The following VAV1 variants were observed in gnomAD, a reference collection of about 807,000 sequenced individuals.
VAV1 encodes proto-oncogene vav.
A neutral mutation model predicts 128.1 loss-of-function variants in VAV1; 33 were observed. That is an observed-to-expected ratio of 0.26 (90% CI 0.20 to 0.34). The LOEUF is 0.34. Among genes scored for constraint, VAV1 ranks in the 10% least tolerant of loss-of-function variants. The probability of loss-of-function intolerance (pLI) is 1.00; values close to 1 mark genes in which losing one functional copy is unlikely to be tolerated. For synonymous variants in VAV1, 394 were observed against 409.8 expected, an observed-to-expected ratio of 0.96 and a Z score of 0.47; for missense variants, 715 against 1,093.7, an observed-to-expected ratio of 0.65 and a Z score of 4.88.
At chr19:6,801,973 C>T (rs968378305) in intron 1 of VAV1, among the ~76,000 whole-genome samples, 1 of 152,160 alleles carries the variant, frequency 6.6e-6, no homozygotes, top group Non-Finnish European at 1.5e-5. Flanking sequence ...CCGCCTCTTC[C>T]TGGAGGAAGG....
At chr19:6,787,816 C>T (rs188832643) in intron 1 of VAV1, among the ~76,000 whole-genome samples, 18 of 152,086 alleles carry the variant, frequency 1.2e-4, no homozygotes, top group Non-Finnish European at 1.9e-4. Context: ...GTGGCTCACA[C>T]CTGTAATCCC....
intron 23 of VAV1, among the ~76,000 whole-genome samples, chr19:6,849,525 C>A (rs958730672): frequency 9.3e-5 from 14 of 151,200 alleles, no homozygotes; most frequent in Non-Finnish European, 1.6e-4. Context: ...GTTGGCCAGG[C>A]TGGTCTCGAA....
intron 1 of VAV1, chr19:6,784,314 T>C (rs1391496787): frequency 6.3e-6 from 3 of 479,752 alleles, no homozygotes; most frequent in East Asian, 6.4e-5. Flanking sequence ...AAGAAGGACC[T>C]GAGCCAAGGC....
At chr19:6,794,091 C>T (rs4807099) in intron 1 of VAV1, among the ~76,000 whole-genome samples, 1,930 of 96,850 alleles carry the variant, frequency 0.02, 141 homozygotes, top group Middle Eastern at 0.036. Context: ...TACCAATAAA[C>T]CAACGGTAAA....
chr19:6,835,186 AAT>A (rs1165248601), intron 19 of VAV1, among the ~76,000 whole-genome samples: 2 of 145,932 alleles, frequency 1.4e-5, no homozygotes, highest in African/African-American at 2.6e-5. Context: ...TGTACAATAG[AAT>A]ATATATATGT....
At chr19:6,857,000 G>A in intron 26 of VAV1, 54 bp from the exon 27 acceptor site, 1 of 1,548,862 alleles carries the variant, frequency 6.5e-7, no homozygotes. Context: ...TGTGTGGAGG[G>A]GCAGTAGGAG....
intron 22 of VAV1, among the ~76,000 whole-genome samples, chr19:6,843,608 C>G (rs1441853022): frequency 2.0e-5 from 3 of 152,116 alleles, no homozygotes; most frequent in African/African-American, 7.2e-5. Flanking sequence ...GCTGTATGAC[C>G]TTGGGCCGGT....
Position 6,773,024 on chromosome 19 carries a change from C to T in VAV1, c.204+13C>T, listed in dbSNP as rs374457632. On this transcript the variant is annotated intron_variant, in intron 1 of 26. Transcript: ENST00000602142. ...CCAGATGTCCCAGGTGAGCCCTCCG[C>T]GGGCAGGTGTGCTGAGGGTTGGAGA... 9.3e-6 allele frequency: 15 copies of T among 1,613,854 alleles called. No individual in the cohort carries two copies. The highest frequency in any genetic ancestry group is 1.7e-5 in the Admixed American group (1 of 59,978).
At chr19:6,773,126 A>G in intron 1 of VAV1, 115 bp downstream of exon 1, 1 of 1,382,426 alleles carries the variant, frequency 7.2e-7, no homozygotes, top group Non-Finnish European at 1.0e-6. Flanking sequence ...GAGAGGGAAT[A>G]TGCTTACAGG....
chr19:6,850,481 C>T (rs907182683), intron 23 of VAV1, among the ~76,000 whole-genome samples, 189 bp from the exon 24 acceptor site: 8 of 151,340 alleles, frequency 5.3e-5, no homozygotes, highest in Non-Finnish European at 5.9e-5. Context: ...TCCTCTTCTA[C>T]GAGAGGAAGA....
intron 1 of VAV1, among the ~76,000 whole-genome samples, chr19:6,773,316 G>A (rs61505502): frequency 0.26 from 39,738 of 151,940 alleles, 6,151 homozygotes; most frequent in African/African-American, 0.44. Flanking sequence ...CATGCCCCCA[G>A]ATGGGACCAA....
rs1971821260 is a variant in VAV1 at position 6,822,593 on chromosome 19, G to T, written c.654+79G>T. On this transcript the variant is annotated intron_variant, in intron 6 of 26. Coordinates refer to ENST00000602142, the MANE Select transcript of VAV1 (RefSeq NM_005428.4). The surrounding 1 kb of genome is among the most constrained non-coding windows in gnomAD (Gnocchi z 5.9). ...CAGGTGCACGTCCACCTGTCCGGCC[G>T]CTCTGGGCAGCTGAGGATTTCCTGC... is the stretch of plus-strand genomic sequence containing the variant. 14 of 1,261,978 alleles carry T rather than the reference G, an allele frequency of 1.1e-5. No homozygotes were observed. In the South Asian group the frequency reaches 1.3e-4, roughly 12 times the overall value. The allele number at this position is 1,261,978 out of a possible 1,614,324, so 78.2% of individuals were successfully genotyped here. A position where few individuals can be genotyped will look rare whatever the true frequency, so the allele number is the denominator to read the frequency against.
chr19:6,814,637 C>CCT (rs1971581742), intron 1 of VAV1, among the ~76,000 whole-genome samples: 6 of 82,074 alleles, frequency 7.3e-5, no homozygotes, highest in African/African-American at 3.2e-4. Flanking sequence ...TTTTCTTTCT[C>CCT]TCCTTCCTTC....
intron 1 of VAV1, among the ~76,000 whole-genome samples, chr19:6,806,446 G>C (rs1487681208): frequency 1.3e-5 from 2 of 152,098 alleles, no homozygotes; most frequent in Non-Finnish European, 2.9e-5. Flanking sequence ...AAGCAAACTC[G>C]TATGTGGGTT....
chr19:6,840,596 G>A (rs888874954), intron 21 of VAV1, among the ~76,000 whole-genome samples: 1 of 151,932 alleles, frequency 6.6e-6, no homozygotes, highest in Non-Finnish European at 1.5e-5. Context: ...ACTGCGCCCG[G>A]CCTTTTTTTA....
intron 1 of VAV1, among the ~76,000 whole-genome samples, chr19:6,797,613 G>A (rs568708627): frequency 1.6e-4 from 24 of 152,174 alleles, no homozygotes; most frequent in Middle Eastern, 3.4e-3. Flanking sequence ...TGAGGCAGGA[G>A]AATTGTTTGA....
chr19:6,781,373 G>A (rs1037747573), intron 1 of VAV1, among the ~76,000 whole-genome samples: 1 of 152,122 alleles, frequency 6.6e-6, no homozygotes, highest in Admixed American at 6.6e-5. Context: ...TGGCTTCTCT[G>A]CCGCCTCCCC....
rs1364064698 is a variant in VAV1 at position 6,822,599 on chromosome 19, G to A, written c.654+85G>A. ...CACGTCCACCTGTCCGGCCGCTCTG[G>A]GCAGCTGAGGATTTCCTGCTCCCAT... On this transcript the variant is annotated intron_variant, in intron 6 of 26. Transcript: ENST00000602142. The surrounding 1 kb of genome is among the most constrained non-coding windows in gnomAD (Gnocchi z 5.9). 1.1e-5 allele frequency: 14 copies of A among 1,222,550 alleles called. No individual in the cohort carries two copies. The highest frequency in any genetic ancestry group is 3.0e-5 in the African/African-American group (2 of 65,798). The allele number at this position is 1,222,550 out of a possible 1,614,324, so 75.7% of individuals were successfully genotyped here. A position where few individuals can be genotyped will look rare whatever the true frequency, so the allele number is the denominator to read the frequency against.
At chr19:6,856,875 GGTGT>G (rs138906534) in intron 26 of VAV1, among the ~76,000 whole-genome samples, 175 bp from the exon 27 acceptor site, 21 of 149,104 alleles carry the variant, frequency 1.4e-4, no homozygotes, top group Admixed American at 1.2e-3. Context: ...GGAGGTAATG[GGTGT>G]GTGTGTGTGT....
Sources: gnomAD v4.1 joint callset for allele counts (sites outside exome capture counted in the v4.1 genomes callset) on GRCh38, gnomAD v4.1.1 for gene constraint, Gnocchi (gnomAD v3.1) non-coding constraint, MANE v1.5 for transcripts, NCBI Gene and HGNC (gene_info 2026-07-23, HGNC 2026-07-21) for gene names.